TSPAN18: variants seen among roughly 807,000 people sequenced by gnomAD.
TSPAN18 encodes tetraspanin-18.
Under a neutral mutation model 27.3 loss-of-function variants are expected in TSPAN18, and 14 were observed. That is an observed-to-expected ratio of 0.51 (90% CI 0.34 to 0.80). The LOEUF is 0.80. Ranked by LOEUF, TSPAN18 falls within the 30% of genes least tolerant of loss-of-function variation. The pLI, the probability that TSPAN18 is intolerant of heterozygous loss-of-function variation, is 0.01. For missense variants in TSPAN18, 268 were observed against 323.9 expected (o/e 0.83, Z 1.32); for synonymous variants, 143 against 136.5 (o/e 1.05, Z -0.33).
chr11:44,810,942 C>T (rs1292444985), intron 2 of TSPAN18, among the ~76,000 whole-genome samples: 1 of 151,982 alleles, frequency 6.6e-6, no homozygotes, highest in Admixed American at 6.6e-5. Flanking sequence ...TAGTGGTTTC[C>T]TCATATTTTA....
At chr11:44,857,817 C>T (rs755248809) in intron 2 of TSPAN18, among the ~76,000 whole-genome samples, 1 of 152,176 alleles carries the variant, frequency 6.6e-6, no homozygotes, top group Non-Finnish European at 1.5e-5. Flanking sequence ...GCATTTACAA[C>T]GACACATATT....
intron 3 of TSPAN18, among the ~76,000 whole-genome samples, chr11:44,888,317 CT>C (rs1858728570): frequency 6.6e-6 from 1 of 152,184 alleles, no homozygotes; most frequent in Admixed American, 6.5e-5. Flanking sequence ...CAGTTTACCC[CT>C]GGGTAACTCA....
At position 44,788,312 on chromosome 11, in the gene TSPAN18, G is replaced by C. The variant is rs77588035; in HGVS notation, c.-153+23800G>C. Among the ~76,000 whole-genome samples the C allele has an allele frequency of 4.8e-3, 729 of 152,286 alleles. 5 individuals are homozygous for C. Among genetic ancestry groups the C allele is most frequent in the Non-Finnish European group, 8.4e-3 (570 of 68,022 alleles). On this transcript the variant is annotated intron_variant, in intron 2 of 9. Coordinates refer to ENST00000520358, the MANE Select transcript of TSPAN18 (RefSeq NM_130783.5). ...GCTGTCTACGTGCGCTGTCCAATACGAGAGCCACTTGCACATCAAACTGAC... is the reference window on the plus strand; with the variant it reads ...GCTGTCTACGTGCGCTGTCCAATACCAGAGCCACTTGCACATCAAACTGAC...
chr11:44,855,685 A>G (rs72897392), intron 2 of TSPAN18, among the ~76,000 whole-genome samples: 13,174 of 151,822 alleles, frequency 0.087, 691 homozygotes, highest in Middle Eastern at 0.21. Context: ...AAATCAGCCA[A>G]CAGTTTCCCT....
intron 8 of TSPAN18, chr11:44,926,369 A>G (rs12418679): frequency 0.025 from 7,846 of 313,720 alleles, 375 homozygotes; most frequent in East Asian, 0.15. Context: ...AAGTCCAAAT[A>G]TTTATGGGAA....
chr11:44,748,402 G>T (rs200280950), intron 1 of TSPAN18, among the ~76,000 whole-genome samples: 1 of 115,774 alleles, frequency 8.6e-6, no homozygotes, highest in South Asian at 2.9e-4. Flanking sequence ...TTTCTCAAAA[G>T]AAAAAAAAAA....
At chr11:44,884,592 C>T (rs529850125) in intron 3 of TSPAN18, among the ~76,000 whole-genome samples, 223 of 152,340 alleles carry the variant, frequency 1.5e-3, no homozygotes, top group African/African-American at 5.2e-3. Flanking sequence ...TCCCAGGAGT[C>T]ACGGCCAGAG....
intron 2 of TSPAN18, among the ~76,000 whole-genome samples, chr11:44,805,367 T>C (rs1397566163): frequency 6.6e-6 from 1 of 152,166 alleles, no homozygotes; most frequent in Admixed American, 6.5e-5. Context: ...CAGAAGTAAA[T>C]ACATATGTAA....
intron 1 of TSPAN18, among the ~76,000 whole-genome samples, chr11:44,751,498 T>G (rs532904743): frequency 4.6e-5 from 7 of 152,278 alleles, no homozygotes; most frequent in Non-Finnish European, 7.4e-5. Flanking sequence ...ACAGCATACA[T>G]GCTTAGGAAG....
At chr11:44,882,587 GAC>G (rs748475836) in intron 3 of TSPAN18, among the ~76,000 whole-genome samples, 821 of 130,850 alleles carry the variant, frequency 6.3e-3, no homozygotes, top group African/African-American at 9.8e-3. Flanking sequence ...CAGAGAGAGA[GAC>G]ACACACACAC....
chr11:44,793,947 C>T (rs925064311), intron 2 of TSPAN18, among the ~76,000 whole-genome samples: 2 of 152,092 alleles, frequency 1.3e-5, no homozygotes, highest in Non-Finnish European at 2.9e-5. Flanking sequence ...AAGCAAGCCG[C>T]CTGTATTTTT....
In TSPAN18 at chr11:44,906,517, G is replaced by A. The variant is rs757949508; in HGVS notation, c.63+38G>A. On this transcript the variant is annotated intron_variant, in intron 4 of 9. Transcript: ENST00000520358. ...GGGTCTTCCCAGGCCTCTGCTGGGTGGGCAGAACTGGCTGCTGCTTTGAAA... is the reference window on the plus strand; with the variant it reads ...GGGTCTTCCCAGGCCTCTGCTGGGTAGGCAGAACTGGCTGCTGCTTTGAAA... The A allele has an allele frequency of 7.7e-6, 12 of 1,553,660 alleles. No individual in the cohort carries two copies. The East Asian group carries it at 2.7e-4, about 35-fold the overall frequency.
chr11:44,767,472 C>A (rs1466185106), intron 2 of TSPAN18, among the ~76,000 whole-genome samples: 1 of 152,224 alleles, frequency 6.6e-6, no homozygotes, highest in East Asian at 1.9e-4. Flanking sequence ...CCCATGGTGG[C>A]ACTCTTCTCC....
At chr11:44,784,830 G>T (rs1565147821) in intron 2 of TSPAN18, among the ~76,000 whole-genome samples, 1 of 152,190 alleles carries the variant, frequency 6.6e-6, no homozygotes, top group Non-Finnish European at 1.5e-5. Context: ...TAAATGGCTT[G>T]TTCAGGGTCT....
intron 1 of TSPAN18, among the ~76,000 whole-genome samples, chr11:44,732,360 T>C (rs1854683843): frequency 6.6e-6 from 1 of 152,246 alleles, no homozygotes; most frequent in East Asian, 1.9e-4. Flanking sequence ...GCCCCCATTC[T>C]GTAGATTAGA....
At chr11:44,742,266 TC>T (rs1565129419) in intron 1 of TSPAN18, among the ~76,000 whole-genome samples, 2 of 139,498 alleles carry the variant, frequency 1.4e-5, no homozygotes, top group Admixed American at 7.2e-5. Flanking sequence ...CCCCTTCCCT[TC>T]CCTTTTTCCC....
intron 3 of TSPAN18, among the ~76,000 whole-genome samples, chr11:44,880,290 C>A (rs758460028): frequency 3.3e-5 from 5 of 152,196 alleles, no homozygotes; most frequent in Non-Finnish European, 5.9e-5. Context: ...AGCCTTGGTG[C>A]CAGGTCCCAT....
intron 3 of TSPAN18, among the ~76,000 whole-genome samples, chr11:44,890,934 G>A (rs1858828141): frequency 6.6e-6 from 1 of 152,168 alleles, no homozygotes; most frequent in South Asian, 2.1e-4. Context: ...CACTTTGGGA[G>A]ACCAAGGCAG....
intron 2 of TSPAN18, among the ~76,000 whole-genome samples, chr11:44,822,010 T>A (rs1009651346): frequency 6.6e-6 from 1 of 151,038 alleles, no homozygotes; most frequent in Non-Finnish European, 1.5e-5. Context: ...ACTGGAGGAG[T>A]TGAGATGTGA....
Sources: allele counts gnomAD v4.1 joint callset (sites outside exome capture counted in the v4.1 genomes callset), GRCh38; gene constraint gnomAD v4.1.1; transcripts MANE v1.5; gene names NCBI Gene and HGNC (gene_info 2026-07-23, HGNC 2026-07-21).